CDYL: variants seen among roughly 807,000 people sequenced by gnomAD.
CDYL encodes the protein chromodomain Y-like protein.
In CDYL, 8 loss-of-function variants were observed where a neutral mutation model predicts 47.3. The observed-to-expected ratio is 0.17, with a 90% confidence interval of 0.10 to 0.31. The LOEUF (loss-of-function observed/expected upper bound fraction) is 0.31, where lower values mean the gene tolerates loss of function less well. Among genes scored for constraint, CDYL ranks in the 10% least tolerant of loss-of-function variants. The pLI is 1.00. For missense variants in CDYL, 471 were observed against 701.4 expected, an observed-to-expected ratio of 0.67 and a Z score of 3.71; for synonymous variants, 266 against 265.0, an observed-to-expected ratio of 1.00 and a Z score of -0.04.
intron 1 of CDYL, among the ~76,000 whole-genome samples, chr6:4,711,733 C>T (rs115485900): frequency 7.0e-4 from 107 of 152,272 alleles, no homozygotes; most frequent in African/African-American, 2.5e-3. Flanking sequence ...GAGGCTTCAG[C>T]TGAGGCTACA....
In CDYL at chr6:4,732,441, GC is replaced by G. The variant is rs1215489475; in HGVS notation, c.104-2320del. 3.3e-5 allele frequency among the ~76,000 whole-genome samples: 5 copies of G among 152,092 alleles called. No homozygotes were observed. The East Asian group carries it at 5.8e-4, about 18-fold the overall frequency. ...GGCAGAGGCTGGAGGATCACTTGAG[GC>G]AAGAAATTCAAGACCAGCCTGAGCA... is the stretch of plus-strand genomic sequence containing the variant. On this transcript the variant is annotated intron_variant, in intron 2 of 8. Coordinates refer to the CDYL transcript ENST00000328908.
At chr6:4,797,214 A>G (rs1462803639) in intron 1 of CDYL, among the ~76,000 whole-genome samples, 1 of 152,180 alleles carries the variant, frequency 6.6e-6, no homozygotes, top group Non-Finnish European at 1.5e-5. Flanking sequence ...CAATAAGGAA[A>G]TTCACTGATT....
intron 2 of CDYL, among the ~76,000 whole-genome samples, chr6:4,915,213 T>C (rs1393141749): frequency 6.6e-6 from 1 of 152,240 alleles, no homozygotes; most frequent in Non-Finnish European, 1.5e-5. Flanking sequence ...GATTCGGATT[T>C]GTCAAAGATT....
chr6:4,943,508 A>G (rs1409366234), intron 4 of CDYL, 38 bp from the exon 5 acceptor site: 2 of 1,378,850 alleles, frequency 1.5e-6, no homozygotes, highest in East Asian at 4.6e-5. Flanking sequence ...TCAAATATGC[A>G]ATGTTTTGAG....
At chr6:4,772,944 T>A (rs1237800174), upstream of CDYL, 1 of 361,894 alleles carries the variant, frequency 2.8e-6, no homozygotes, top group Non-Finnish European at 5.4e-6. Flanking sequence ...CAAATGTAGA[T>A]GAAATGCAGA....
chr6:4,805,138 A>C (rs1759334204), intron 1 of CDYL, among the ~76,000 whole-genome samples: 1 of 152,242 alleles, frequency 6.6e-6, no homozygotes. Flanking sequence ...AACACTAAAA[A>C]CTAGTATATG....
At chr6:4,882,654 A>G (rs1432448873) in intron 1 of CDYL, among the ~76,000 whole-genome samples, 1 of 152,210 alleles carries the variant, frequency 6.6e-6, no homozygotes, top group Non-Finnish European at 1.5e-5. Flanking sequence ...CTCTTCCAGC[A>G]CTGGTCCTGC....
At chr6:4,942,733 G>C (rs1758396382) in intron 4 of CDYL, among the ~76,000 whole-genome samples, 1 of 152,194 alleles carries the variant, frequency 6.6e-6, no homozygotes, top group African/African-American at 2.4e-5. Flanking sequence ...TTTCCAGCCT[G>C]ATCTAAAGCA....
At chr6:4,882,882 G>A (rs144252318) in intron 1 of CDYL, among the ~76,000 whole-genome samples, 115 of 152,284 alleles carry the variant, frequency 7.6e-4, no homozygotes, top group African/African-American at 2.6e-3. Flanking sequence ...CCACTGGAGA[G>A]TGAGAAATTT....
intron 3 of CDYL, among the ~76,000 whole-genome samples, chr6:4,769,955 C>G (rs535048706): frequency 7.4e-5 from 11 of 148,708 alleles, no homozygotes; most frequent in African/African-American, 2.5e-4. Context: ...CGCCACCACG[C>G]CCGGCTAATT....
At chr6:4,766,305 G>A (rs1323178573) in intron 3 of CDYL, among the ~76,000 whole-genome samples, 8 of 152,076 alleles carry the variant, frequency 5.3e-5, no homozygotes, top group African/African-American at 1.9e-4. Context: ...CACCTCCTGG[G>A]TTCAAGTGAT....
intron 2 of CDYL, among the ~76,000 whole-genome samples, chr6:4,924,824 T>C (rs1257725846): frequency 2.0e-5 from 3 of 152,128 alleles, no homozygotes. Context: ...GCTACAGGGC[T>C]TATGGGGGAA....
chr6:4,776,694 C>A lies in CDYL; in HGVS notation c.-90C>A. On this transcript the variant is annotated 5_prime_UTR_variant, in exon 1 of 7. Coordinates refer to ENST00000397588, the MANE Select transcript of CDYL (RefSeq NM_004824.4). ...CCGCGGGAGCAGGAAGCGCAGGCCA[C>A]GCAGGACCCAACTGAAACAAAGTGT... The A allele has an allele frequency of 2.5e-6, 3 of 1,203,390 alleles. No individual in the cohort carries two copies. Among genetic ancestry groups the A allele is most frequent in the South Asian group, 2.9e-5 (2 of 69,998 alleles). 74.5% of individuals were successfully genotyped at this position (1,203,390 alleles called of 1,614,324 possible). A position where few individuals can be genotyped will look rare whatever the true frequency, so the allele number is the denominator to read the frequency against.
At chr6:4,907,421 TG>T (rs1412326353) in intron 2 of CDYL, among the ~76,000 whole-genome samples, 6 of 152,086 alleles carry the variant, frequency 3.9e-5, no homozygotes, top group Admixed American at 3.9e-4. Context: ...CAGTGGCTGG[TG>T]CCATCTCAGC....
At chr6:4,861,238 TTC>T (rs772409685) in intron 1 of CDYL, among the ~76,000 whole-genome samples, 20 of 152,252 alleles carry the variant, frequency 1.3e-4, no homozygotes, top group Admixed American at 2.6e-4. Context: ...TAGGTTACCA[TTC>T]TCTGGGGTGT....
intron 1 of CDYL, among the ~76,000 whole-genome samples, chr6:4,804,630 C>T (rs1759319438): frequency 6.6e-6 from 1 of 152,106 alleles, no homozygotes; most frequent in East Asian, 1.9e-4. Context: ...GAATGGCCCT[C>T]GCTCTGCGGT....
chr6:4,920,504 AACAG>A (rs1561709169), intron 2 of CDYL, among the ~76,000 whole-genome samples: 1 of 152,208 alleles, frequency 6.6e-6, no homozygotes, highest in South Asian at 2.1e-4. Flanking sequence ...GGGTCATGCA[AACAG>A]TGGAGGGCGC....
At position 4,892,268 on chromosome 6, in the gene CDYL, G is replaced by A. The variant is rs1417864494; in HGVS notation, c.580G>A (p.Gly194Ser). The A allele has an allele frequency of 6.2e-6, 10 of 1,614,066 alleles. No homozygotes were observed. Among genetic ancestry groups the A allele is most frequent in the South Asian group, 3.3e-5 (3 of 91,080 alleles). ...GCCGGTCGGAGCTTTATTGGGCCCC[G>A]GTGCCGAGAGGGCCAGGATGGGGAG... is the stretch of plus-strand genomic sequence containing the variant. ...EKPVGALLGP[G>S]AERARMGSRP... Residue 194 changes from glycine to serine, a missense_variant, in exon 2 of 7, where the codon GGT becomes AGT. Gly to Ser is a moderately conservative substitution (Grantham distance 56, BLOSUM62 0). Coordinates refer to ENST00000397588, the MANE Select transcript of CDYL (RefSeq NM_004824.4).
At chr6:4,715,626 T>C in intron 1 of CDYL, 1 of 999,330 alleles carries the variant, frequency 1.0e-6, no homozygotes, top group Non-Finnish European at 1.4e-6. Flanking sequence ...AAGCACAAAA[T>C]GCTGGCTCAC....
Sources: allele counts gnomAD v4.1 joint callset (sites outside exome capture counted in the v4.1 genomes callset), GRCh38; gene constraint gnomAD v4.1.1; transcripts MANE v1.5; gene names NCBI Gene and HGNC (gene_info 2026-07-23, HGNC 2026-07-21).